Variants in WWOX observed in about 807,000 individuals in gnomAD.
WWOX encodes the protein WW domain containing oxidoreductase.
A neutral mutation model predicts 46.2 loss-of-function variants in WWOX; 69 were observed. The ratio of observed to expected loss-of-function variants is 1.49; its 90% CI spans 1.23 to 1.82. The LOEUF (loss-of-function observed/expected upper bound fraction) is 1.82, where lower values mean the gene tolerates loss of function less well. WWOX is among the 40% of genes most tolerant of loss of function. The pLI is 0.00. For missense variants in WWOX, 919 were observed against 542.6 expected, an observed-to-expected ratio of 1.69 and a Z score of -6.89; for synonymous variants, 359 against 202.6, an observed-to-expected ratio of 1.77 and a Z score of -6.56.
intron 5 of WWOX, among the ~76,000 whole-genome samples, chr16:78,228,039 A>G (rs1421366458): frequency 6.6e-6 from 1 of 152,140 alleles, no homozygotes; most frequent in African/African-American, 2.4e-5. Flanking sequence ...AAATAGAGTT[A>G]TGGTCATCAA....
At chr16:79,143,257 A>G (rs1434470879) in intron 8 of WWOX, among the ~76,000 whole-genome samples, 3 of 152,010 alleles carry the variant, frequency 2.0e-5, no homozygotes, top group Non-Finnish European at 4.4e-5. Flanking sequence ...CTTTCTCTAC[A>G]CTCTTTTTTG....
At chr16:78,162,808 T>C (rs976551393) in intron 4 of WWOX, among the ~76,000 whole-genome samples, 7 of 152,216 alleles carry the variant, frequency 4.6e-5, no homozygotes, top group African/African-American at 1.7e-4. Context: ...TTTCTTTTTA[T>C]GCTTCACTTT....
rs180869642 is a variant in WWOX, at chr16:78,336,258, A to C, written c.517-50602A>C. 3.3e-3 allele frequency among the ~76,000 whole-genome samples: 507 copies of C among 151,470 alleles called. 3 individuals are homozygous for C. The highest frequency in any genetic ancestry group is 0.011 in the African/African-American group (473 of 41,298). On this transcript the variant is annotated intron_variant, in intron 5 of 8. Transcript: ENST00000566780. ...GAGGCTGAGGCAGGCAGATCACCTG[A>C]AGTCAAGAATTCAAAACCAGCCTGA... is the stretch of plus-strand genomic sequence containing the variant.
intron 8 of WWOX, among the ~76,000 whole-genome samples, chr16:78,736,788 T>C (rs1052360275): frequency 1.3e-5 from 2 of 152,090 alleles, no homozygotes; most frequent in Admixed American, 6.5e-5. Flanking sequence ...TTAAAAATTT[T>C]TTTAGACACT....
chr16:78,568,273 T>G (rs1036071473), intron 8 of WWOX, among the ~76,000 whole-genome samples: 2 of 151,948 alleles, frequency 1.3e-5, no homozygotes, highest in Non-Finnish European at 2.9e-5. Flanking sequence ...GGGATGAAGA[T>G]GAGGGAGGAA....
intron 8 of WWOX, among the ~76,000 whole-genome samples, chr16:78,481,448 T>G (rs2084483517): frequency 6.6e-6 from 1 of 152,148 alleles, no homozygotes; most frequent in Non-Finnish European, 1.5e-5. Context: ...AGTCATTGAT[T>G]GAAAGAGTCA....
chr16:78,627,244 C>T (rs2046331504), intron 8 of WWOX, among the ~76,000 whole-genome samples: 1 of 152,160 alleles, frequency 6.6e-6, no homozygotes, highest in Non-Finnish European at 1.5e-5. Flanking sequence ...GTGTTTGCTA[C>T]CATACCTCCC....
At position 78,220,920 on chromosome 16, in the gene WWOX, G is replaced by A. The variant is rs74027943; in HGVS notation, c.516+56631G>A. Among the ~76,000 whole-genome samples the A allele has an allele frequency of 9.1e-3, 1,388 of 152,286 alleles. 12 individuals carry two copies. The highest frequency in any genetic ancestry group is 0.032 in the African/African-American group (1,316 of 41,572). On this transcript the variant is annotated intron_variant, in intron 5 of 8. Coordinates refer to ENST00000566780, the MANE Select transcript of WWOX (RefSeq NM_016373.4). ...AATCAGGATTAAGGATATCCACTGA[G>A]AAGCTTGCATTTATTACTCTAAGCA...
chr16:78,457,747 C>G (rs779248011), intron 8 of WWOX, among the ~76,000 whole-genome samples: 15 of 151,912 alleles, frequency 9.9e-5, no homozygotes, highest in Non-Finnish European at 2.1e-4. Context: ...AACCTCATCT[C>G]TACTAAAAAT....
chr16:78,398,717 G>A (rs937515671), intron 6 of WWOX, among the ~76,000 whole-genome samples: 2 of 152,312 alleles, frequency 1.3e-5, no homozygotes, highest in Admixed American at 1.3e-4. Flanking sequence ...TTAAGATGGT[G>A]ACGCTGGCAA....
intron 8 of WWOX, among the ~76,000 whole-genome samples, chr16:78,833,999 G>C (rs187728645): frequency 1.6e-3 from 248 of 152,042 alleles, no homozygotes; most frequent in African/African-American, 5.7e-3. Flanking sequence ...TAAGCATTTG[G>C]AACATTTCAG....
At chr16:78,976,934 A>C (rs1008359567) in intron 8 of WWOX, among the ~76,000 whole-genome samples, 6 of 152,172 alleles carry the variant, frequency 3.9e-5, no homozygotes, top group African/African-American at 1.4e-4. Flanking sequence ...ATCAGAAAGG[A>C]AGTAACTGGC....
chr16:78,123,126 T>G (rs999708362), intron 4 of WWOX: 3 of 152,150 alleles, frequency 2.0e-5, no homozygotes, highest in African/African-American at 7.2e-5. Context: ...TGTGATGAAG[T>G]TCAAACTGAA....
chr16:78,933,076 AATCGAAAGC>A (rs1316521547), intron 8 of WWOX, among the ~76,000 whole-genome samples: 2 of 152,176 alleles, frequency 1.3e-5, no homozygotes, highest in African/African-American at 4.8e-5. Context: ...AAGGCTTGCA[AATCGAAAGC>A]ATCAGTTGCT....
intron 8 of WWOX, among the ~76,000 whole-genome samples, chr16:79,191,773 T>C (rs1351281496): frequency 1.3e-5 from 2 of 152,184 alleles, no homozygotes; most frequent in Non-Finnish European, 2.9e-5. Flanking sequence ...GAGATGTGAC[T>C]GGAAAATCCA....
chr16:78,590,637 TTG>T (rs1294910217), intron 8 of WWOX, among the ~76,000 whole-genome samples: 1 of 133,262 alleles, frequency 7.5e-6, no homozygotes, highest in Non-Finnish European at 1.6e-5. Context: ...TGGAAATGTC[TTG>T]TAACTCAGTA....
At chr16:78,439,545 G>A (rs1441583215) in intron 8 of WWOX, among the ~76,000 whole-genome samples, 1 of 152,218 alleles carries the variant, frequency 6.6e-6, no homozygotes, top group Non-Finnish European at 1.5e-5. Context: ...ACCAATGGAT[G>A]TAAGTAAGTT....
intron 8 of WWOX, among the ~76,000 whole-genome samples, chr16:78,585,484 C>T (rs1240291653): frequency 6.6e-6 from 1 of 152,126 alleles, no homozygotes; most frequent in Non-Finnish European, 1.5e-5. Context: ...TTTCACTGGC[C>T]AAAGTACTTG....
intron 8 of WWOX, among the ~76,000 whole-genome samples, chr16:79,040,748 G>C (rs1159564605): frequency 6.6e-6 from 1 of 152,034 alleles, no homozygotes; most frequent in East Asian, 1.9e-4. Flanking sequence ...CCCTAGACTT[G>C]TCAGCCAGGG....
Sources: gnomAD v4.1 joint callset for allele counts (sites outside exome capture counted in the v4.1 genomes callset) on GRCh38, gnomAD v4.1.1 for gene constraint, MANE v1.5 for transcripts, NCBI Gene and HGNC (gene_info 2026-07-23, HGNC 2026-07-21) for gene names.